The following CD53 variants were observed in gnomAD, a reference collection of about 807,000 sequenced individuals.
CD53 encodes CD53 molecule.
In CD53, 20 loss-of-function variants were observed where a neutral mutation model predicts 27.3. The observed-to-expected ratio is 0.73, with a 90% CI of 0.52 to 1.07. The LOEUF is 1.07. Ranked by LOEUF, CD53 falls within the 50% of genes least tolerant of loss-of-function variation. The probability of loss-of-function intolerance (pLI) is 0.00; values close to 1 mark genes in which losing one functional copy is unlikely to be tolerated. For missense variants in CD53, 216 were observed against 264.0 expected (o/e 0.82, Z 1.26); for synonymous variants, 106 against 105.3 (o/e 1.01, Z -0.04).
At chr1:110,872,348 C>T (rs570187422), upstream of CD53, among the ~76,000 whole-genome samples, 2 of 152,324 alleles carry the variant, frequency 1.3e-5, no homozygotes, top group African/African-American at 2.4e-5. Flanking sequence ...GGCAAATTTT[C>T]TAACCTCTTT....
At chr1:110,879,225 A>T (rs886159536) in intron 1 of CD53, among the ~76,000 whole-genome samples, 1 of 152,172 alleles carries the variant, frequency 6.6e-6, no homozygotes, top group East Asian at 1.9e-4. Flanking sequence ...AGGCAGATAC[A>T]CAGGGACTGA....
chr1:110,881,077 A>G lies in CD53; in HGVS notation c.-18+7829A>G, dbSNP rs74359217. ...AAAGTATAATACAGGGGGTGTTGCC[A>G]TGAGTGTGGAGTGATGGACAGGAGC... On this transcript the variant is annotated intron_variant, in intron 1 of 7. Transcript: ENST00000271324. 4.9e-3 allele frequency among the ~76,000 whole-genome samples: 739 copies of G among 152,334 alleles called. 4 individuals are homozygous for G. Among genetic ancestry groups the G allele is most frequent in the African/African-American group, 0.017 (715 of 41,566 alleles).
At chr1:110,877,033 T>C (rs1405806235) in intron 1 of CD53, among the ~76,000 whole-genome samples, 2 of 152,186 alleles carry the variant, frequency 1.3e-5, no homozygotes, top group Non-Finnish European at 2.9e-5. Context: ...ACTTATGCAA[T>C]ATAATTAACA....
In CD53 at chr1:110,896,711, G is replaced by GC; in HGVS notation, c.486dup (p.Ser163LeufsTer34). ...TGGACCAGTGGCCCACCAGCATCTT[G>GC]CCCCTCAGATCGAAAAGTGGAGGTA... On this transcript the variant is annotated frameshift_variant, in exon 6 of 8. Transcript: ENST00000271324. LOFTEE classifies it high-confidence loss of function. The GC allele has an allele frequency of 6.2e-7, 1 of 1,613,290 alleles. No individual in the cohort carries two copies. The highest frequency in any genetic ancestry group is 8.5e-7 in the Non-Finnish European group (1 of 1,179,674).
Position 110,892,419 on chromosome 1 carries a change from C to T in CD53, c.138C>T (p.Asn46=), listed in dbSNP as rs541274550. 10 of 1,613,762 alleles carry T rather than the reference C, an allele frequency of 6.2e-6. No homozygotes were observed. The South Asian group carries it at 1.1e-4, about 18-fold the overall frequency. Residue 46 remains asparagine, a synonymous_variant, in exon 3 of 8, where the codon AAC becomes AAT. Transcript: ENST00000271324. ...IHNNFGVLFH[N]LPSLTLGNVF... Reference sequence around the variant, plus strand: ...ACAACTTCGGAGTGCTCTTCCATAACCTCCCCTCCCTCACGCTGGGCAATG... The same window carrying T: ...ACAACTTCGGAGTGCTCTTCCATAATCTCCCCTCCCTCACGCTGGGCAATG...
intron 1 of CD53, among the ~76,000 whole-genome samples, chr1:110,885,626 GCTGAGACAGGCAGATCAC>G (rs1488185512): frequency 6.6e-6 from 1 of 152,090 alleles, no homozygotes; most frequent in Non-Finnish European, 1.5e-5. Flanking sequence ...ACTTTAGGAG[GCTGAGACAGGCAGATCAC>G]CTGAGGTCAG....
chr1:110,893,386 G>A (rs1487083220), intron 3 of CD53, among the ~76,000 whole-genome samples: 1 of 152,154 alleles, frequency 6.6e-6, no homozygotes, highest in Non-Finnish European at 1.5e-5. Flanking sequence ...GCAATGGCAT[G>A]ATCTCAGCTC....
chr1:110,876,798 A>AT (rs1570894211), intron 1 of CD53, among the ~76,000 whole-genome samples: 1 of 152,210 alleles, frequency 6.6e-6, no homozygotes, highest in East Asian at 1.9e-4. Flanking sequence ...ATTCAGACTG[A>AT]TAAAAAGGTT....
At chr1:110,888,618 T>A (rs941281721) in intron 1 of CD53, among the ~76,000 whole-genome samples, 8 of 152,192 alleles carry the variant, frequency 5.3e-5, no homozygotes, top group Non-Finnish European at 5.9e-5. Context: ...AATATATGAT[T>A]TTATATTTTT....
At chr1:110,885,827 G>A (rs1291766818) in intron 1 of CD53, among the ~76,000 whole-genome samples, 1 of 152,086 alleles carries the variant, frequency 6.6e-6, no homozygotes, top group Non-Finnish European at 1.5e-5. Flanking sequence ...TCACACCACT[G>A]CACTCCAGCC....
At position 110,894,999 on chromosome 1, in the gene CD53, C is replaced by T. The variant is rs1193903976; in HGVS notation, c.367C>T (p.His123Tyr). Residue 123 changes from histidine to tyrosine, a missense_variant, in exon 5 of 8, where the codon CAC (histidine) becomes TAC (tyrosine). Physicochemically the swap from His to Tyr is moderately conservative, Grantham distance 83 (BLOSUM62 2). Coordinates refer to ENST00000271324, the MANE Select transcript of CD53 (RefSeq NM_000560.4). The part of the protein sequence containing the change: ...YVAKGLTDSI[H>Y]RYHSDNSTKA... ...GGCTAAGGGTCTGACCGACAGCATC[C>T]ACCGTTACCACTCAGACAATAGCAC... The T allele has an allele frequency of 6.2e-7, 1 of 1,614,094 alleles. No individual in the cohort carries two copies. Among genetic ancestry groups the T allele is most frequent in the Admixed American group, 1.7e-5 (1 of 60,022 alleles).
At chr1:110,879,174 T>C (rs1570896366) in intron 1 of CD53, among the ~76,000 whole-genome samples, 1 of 152,168 alleles carries the variant, frequency 6.6e-6, no homozygotes, top group African/African-American at 2.4e-5. Flanking sequence ...GACTGGTAGG[T>C]AAGGTCTGAA....
At chr1:110,879,029 G>T (rs1280371750) in intron 1 of CD53, among the ~76,000 whole-genome samples, 3 of 151,772 alleles carry the variant, frequency 2.0e-5, no homozygotes, top group Admixed American at 2.0e-4. Flanking sequence ...ATTTCTTTTT[G>T]TTTTTTTATT....
chr1:110,886,828 G>A (rs914879091), intron 1 of CD53, among the ~76,000 whole-genome samples: 2 of 139,422 alleles, frequency 1.4e-5, no homozygotes, highest in African/African-American at 5.2e-5. Flanking sequence ...CTAGGCAACA[G>A]AGCGAGACTC....
At chr1:110,898,471 C>T (rs1182034772) in intron 7 of CD53, among the ~76,000 whole-genome samples, 1 of 151,730 alleles carries the variant, frequency 6.6e-6, no homozygotes, top group South Asian at 2.1e-4. Flanking sequence ...AAAAAAGCCA[C>T]CAAGCAGAAT....
At chr1:110,872,751 G>A (rs1656001737), upstream of CD53, among the ~76,000 whole-genome samples, 1 of 152,174 alleles carries the variant, frequency 6.6e-6, no homozygotes. Flanking sequence ...TAGAAATATT[G>A]GTTCCTGTGT....
At chr1:110,882,391 A>T (rs929992781) in intron 1 of CD53, among the ~76,000 whole-genome samples, 4 of 152,144 alleles carry the variant, frequency 2.6e-5, no homozygotes, top group Admixed American at 6.5e-5. Flanking sequence ...TTTGAAAATC[A>T]GTTGTCCATA....
At chr1:110,894,559 T>G (rs202100071) in intron 4 of CD53, among the ~76,000 whole-genome samples, 158 bp downstream of exon 4, 1 of 142,816 alleles carries the variant, frequency 7.0e-6, no homozygotes, top group South Asian at 2.2e-4. Context: ...GGGGGGAAAA[T>G]TTGTATGAAA....
chr1:110,884,149 A>G (rs538994179), intron 1 of CD53, among the ~76,000 whole-genome samples: 4 of 152,204 alleles, frequency 2.6e-5, no homozygotes, highest in African/African-American at 9.6e-5. Context: ...ATAGACATTT[A>G]GCACTAAAAT....
Sources: allele counts gnomAD v4.1 joint callset (sites outside exome capture counted in the v4.1 genomes callset), GRCh38; gene constraint gnomAD v4.1.1; transcripts MANE v1.5; gene names NCBI Gene and HGNC (gene_info 2026-07-23, HGNC 2026-07-21).